The following ASZ1 variants were observed in gnomAD, a reference collection of about 807,000 sequenced individuals.
The protein encoded by ASZ1 is ankyrin repeat, SAM and basic leucine zipper domain containing 1.
A neutral mutation model predicts 61.8 loss-of-function variants in ASZ1; 67 were observed. That is an observed-to-expected ratio of 1.08 (90% CI 0.89 to 1.33). The LOEUF (loss-of-function observed/expected upper bound fraction) is 1.33. Among genes scored for constraint, ASZ1 ranks in the 40% most tolerant of loss-of-function variants. ASZ1 has a pLI of 0.00. For synonymous variants in ASZ1, 193 were observed against 192.7 expected (o/e 1.00, Z -0.01); for missense variants, 577 against 554.5 (o/e 1.04, Z -0.41).
intron 2 of ASZ1, among the ~76,000 whole-genome samples, 175 bp downstream of exon 2, chr7:117,426,661 A>C (rs1332126310): frequency 6.6e-6 from 1 of 152,156 alleles, no homozygotes. Flanking sequence ...TTCCAAATGC[A>C]AGCAGAGAGG....
At chr7:117,372,258 C>A (rs146875332) in intron 10 of ASZ1, among the ~76,000 whole-genome samples, 1 of 152,190 alleles carries the variant, frequency 6.6e-6, no homozygotes, top group African/African-American at 2.4e-5. Context: ...GTCCCCCGAT[C>A]CCTGTCAGGG....
At chr7:117,396,396 T>A (rs1181630598) in intron 4 of ASZ1, among the ~76,000 whole-genome samples, 1 of 152,206 alleles carries the variant, frequency 6.6e-6, no homozygotes, top group Non-Finnish European at 1.5e-5. Flanking sequence ...GCTTCTCCAT[T>A]AAACGTGTAA....
chr7:117,389,786 G>A (rs944949421), intron 4 of ASZ1, among the ~76,000 whole-genome samples: 2 of 152,170 alleles, frequency 1.3e-5, no homozygotes, highest in Non-Finnish European at 2.9e-5. Flanking sequence ...TTGAAGGCAT[G>A]AGCCTGGCCA....
intron 4 of ASZ1, among the ~76,000 whole-genome samples, chr7:117,405,272 C>A (rs528295505): frequency 6.6e-6 from 1 of 152,298 alleles, no homozygotes; most frequent in Non-Finnish European, 1.5e-5. Flanking sequence ...GCCAGAGTGT[C>A]CATTCTGTCA....
intron 4 of ASZ1, among the ~76,000 whole-genome samples, chr7:117,407,954 T>A (rs1021177638): frequency 1.4e-4 from 22 of 152,116 alleles, no homozygotes; most frequent in Non-Finnish European, 2.9e-5. Flanking sequence ...AACAAAGAGA[T>A]AATTTACCTC....
At chr7:117,368,407 T>C (rs995652968) in intron 11 of ASZ1, 4 of 1,233,006 alleles carry the variant, frequency 3.2e-6, no homozygotes, top group East Asian at 3.5e-5. Flanking sequence ...ATTTTCTTTT[T>C]CTTGAAGGCA....
chr7:117,382,984 A>G lies in ASZ1; in HGVS notation c.812+2T>C. 1 of 1,563,168 alleles carries G rather than the reference A, an allele frequency of 6.4e-7. No individual in the cohort carries two copies. On this transcript the variant is annotated splice_donor_variant, in intron 7 of 12. Coordinates refer to ENST00000284629, the MANE Select transcript of ASZ1 (RefSeq NM_130768.3). LOFTEE classifies it high-confidence loss of function. The stretch of plus-strand genomic sequence containing the variant: ...CTGTTGAACTAAAACATGCTATATT[A>G]CCTAAAAATGTGATCTTTTTCTCTA...
At chr7:117,393,722 T>C (rs1219926376) in intron 4 of ASZ1, among the ~76,000 whole-genome samples, 2 of 152,222 alleles carry the variant, frequency 1.3e-5, no homozygotes, top group African/African-American at 4.8e-5. Flanking sequence ...TTCTTAGTTA[T>C]TAATATGGCT....
chr7:117,398,913 C>A (rs1266038641), intron 4 of ASZ1, among the ~76,000 whole-genome samples: 1 of 152,152 alleles, frequency 6.6e-6, no homozygotes, highest in Non-Finnish European at 1.5e-5. Flanking sequence ...CTTCAGTTGG[C>A]TAACTCCTAC....
intron 4 of ASZ1, among the ~76,000 whole-genome samples, chr7:117,386,822 T>C (rs1796365515): frequency 6.6e-6 from 1 of 152,082 alleles, no homozygotes; most frequent in African/African-American, 2.4e-5. Flanking sequence ...AATTCATATA[T>C]ATCTGTTTCT....
intron 4 of ASZ1, among the ~76,000 whole-genome samples, chr7:117,393,198 C>T (rs900828621): frequency 2.0e-5 from 3 of 151,968 alleles, no homozygotes; most frequent in Non-Finnish European, 4.4e-5. Flanking sequence ...TGGTCTACAA[C>T]ATAACTTCTG....
At chr7:117,373,812 G>C in intron 10 of ASZ1, among the ~76,000 whole-genome samples, 1 of 151,818 alleles carries the variant, frequency 6.6e-6, no homozygotes, top group African/African-American at 2.4e-5. Context: ...AATTCATATA[G>C]GCAACCCTGC....
In ASZ1 at chr7:117,385,813, A is replaced by C; in HGVS notation, c.441-4T>G. Reference sequence around the variant, plus strand: ...CATGATTGGGGTCATAAGTCTCCTAAGGAGGAGGAAGAAAGGAAACATTTG... The same window carrying C: ...CATGATTGGGGTCATAAGTCTCCTACGGAGGAGGAAGAAAGGAAACATTTG... On this transcript the variant is annotated splice_polypyrimidine_tract_variant and splice_region_variant and intron_variant, in intron 4 of 12. Coordinates refer to ENST00000284629, the MANE Select transcript of ASZ1 (RefSeq NM_130768.3). The C allele has an allele frequency of 6.3e-7, 1 of 1,596,716 alleles. No individual in the cohort carries two copies. The highest frequency in any genetic ancestry group is 1.1e-5 in the South Asian group (1 of 89,854).
At chr7:117,380,103 A>G in intron 9 of ASZ1, 56 bp from the exon 10 acceptor site, 1 of 1,141,178 alleles carries the variant, frequency 8.8e-7, no homozygotes, top group Non-Finnish European at 1.3e-6. Context: ...GTAATTTAAA[A>G]CTCAAAATTG....
intron 7 of ASZ1, among the ~76,000 whole-genome samples, chr7:117,382,496 A>T (rs1796274325): frequency 6.6e-6 from 1 of 151,874 alleles, no homozygotes; most frequent in African/African-American, 2.4e-5. Flanking sequence ...TGTTTGAGGC[A>T]AAAAAACCCA....
intron 4 of ASZ1, among the ~76,000 whole-genome samples, chr7:117,413,277 C>A (rs775641325): frequency 1.1e-4 from 16 of 151,892 alleles, no homozygotes; most frequent in Non-Finnish European, 2.2e-4. Flanking sequence ...CTTATCAAAC[C>A]TCTGTTACAT....
chr7:117,417,724 T>C (rs902513687), intron 4 of ASZ1, among the ~76,000 whole-genome samples: 2 of 152,250 alleles, frequency 1.3e-5, no homozygotes, highest in African/African-American at 4.8e-5. Context: ...GCTTTATGCT[T>C]TGAGCATTAA....
At chr7:117,394,630 C>T (rs148473080) in intron 4 of ASZ1, among the ~76,000 whole-genome samples, 2 of 152,258 alleles carry the variant, frequency 1.3e-5, no homozygotes, top group African/African-American at 2.4e-5. Context: ...CATAGTCTAT[C>T]TTCCATGTTC....
chr7:117,385,933 G>C (rs1327234628), intron 4 of ASZ1, 124 bp from the exon 5 acceptor site: 1 of 744,094 alleles, frequency 1.3e-6, no homozygotes, highest in Non-Finnish European at 2.1e-6. Context: ...GAAAGCTTTT[G>C]CTAAATCAGG....
Sources: gnomAD v4.1 joint callset for allele counts (sites outside exome capture counted in the v4.1 genomes callset) on GRCh38, gnomAD v4.1.1 for gene constraint, MANE v1.5 for transcripts, NCBI Gene and HGNC (gene_info 2026-07-23, HGNC 2026-07-21) for gene names.